Variants in PTPRJ observed in about 807,000 individuals in gnomAD.
The protein encoded by PTPRJ is protein tyrosine phosphatase receptor type J.
Under a neutral mutation model 141.3 loss-of-function variants are expected in PTPRJ, and 129 were observed. The ratio of observed to expected loss-of-function variants is 0.91; its 90% CI spans 0.79 to 1.06. The LOEUF (loss-of-function observed/expected upper bound fraction) is 1.06, where lower values mean the gene tolerates loss of function less well. Ranked by LOEUF, PTPRJ falls within the 50% of genes least tolerant of loss-of-function variation. The probability of loss-of-function intolerance (pLI) is 0.00; values close to 1 mark genes in which losing one functional copy is unlikely to be tolerated. For synonymous variants in PTPRJ, 610 were observed against 640.5 expected (o/e 0.95, Z 0.72); for missense variants, 1,601 against 1,679.7 (o/e 0.95, Z 0.82).
At chr11:48,134,582 C>G (rs983518732) in intron 8 of PTPRJ, among the ~76,000 whole-genome samples, 1 of 152,094 alleles carries the variant, frequency 6.6e-6, no homozygotes, top group Admixed American at 6.6e-5. Flanking sequence ...AAACATGGCA[C>G]AATTTTTTTT....
intron 1 of PTPRJ, among the ~76,000 whole-genome samples, chr11:47,984,285 AG>A (rs1203991046): frequency 6.6e-6 from 1 of 152,198 alleles, no homozygotes; most frequent in Non-Finnish European, 1.5e-5. Flanking sequence ...GTTGGGGCTG[AG>A]GCAGAGTGGC....
In PTPRJ at chr11:48,037,127, C is replaced by T. The variant is rs141237522; in HGVS notation, c.96+56119C>T. Among the ~76,000 whole-genome samples, 120 of 152,312 alleles carry T rather than the reference C, an allele frequency of 7.9e-4. 1 individual carries two copies. The highest frequency in any genetic ancestry group is 2.6e-3 in the African/African-American group (109 of 41,562). ...CATATTGAGTGTAACTTAATCCACC[C>T]GATTCAGAACTTTTGTAGAGTGCCT... is the stretch of plus-strand genomic sequence containing the variant. On this transcript the variant is annotated intron_variant, in intron 1 of 24. Coordinates refer to ENST00000418331, the MANE Select transcript of PTPRJ (RefSeq NM_002843.4).
At chr11:48,160,623 G>A (rs1273818090) in intron 22 of PTPRJ, among the ~76,000 whole-genome samples, 1 of 152,186 alleles carries the variant, frequency 6.6e-6, no homozygotes, top group East Asian at 1.9e-4. Context: ...GGTATCTGTT[G>A]ATGGGTGTGT....
chr11:48,118,793 C>A (rs557274409), intron 3 of PTPRJ, among the ~76,000 whole-genome samples: 63 of 152,114 alleles, frequency 4.1e-4, no homozygotes, highest in African/African-American at 1.5e-3. Flanking sequence ...CTTGCTTTTC[C>A]AAAACCTTCC....
chr11:47,986,004 A>C (rs1854042028), intron 1 of PTPRJ, among the ~76,000 whole-genome samples: 1 of 152,098 alleles, frequency 6.6e-6, no homozygotes, highest in South Asian at 2.1e-4. Flanking sequence ...CCTGGCCCAG[A>C]CATTTTTTAG....
chr11:48,146,038 G>T (rs143453250), intron 14 of PTPRJ, among the ~76,000 whole-genome samples: 1 of 152,102 alleles, frequency 6.6e-6, no homozygotes, highest in Non-Finnish European at 1.5e-5. Flanking sequence ...ATGGGGTCTT[G>T]CTATGTTGCC....
At chr11:47,981,323 G>GCGGGCA (rs1853901037) in intron 1 of PTPRJ, among the ~76,000 whole-genome samples, 1 of 152,274 alleles carries the variant, frequency 6.6e-6, no homozygotes, top group East Asian at 1.9e-4. Context: ...GGCACATCTG[G>GCGGGCA]CGGGCACGGG....
At chr11:48,074,718 G>C in intron 1 of PTPRJ, among the ~76,000 whole-genome samples, 1 of 152,146 alleles carries the variant, frequency 6.6e-6, no homozygotes, top group South Asian at 2.1e-4. Flanking sequence ...TTAATCCTTA[G>C]GCCAGGGATT....
At chr11:48,102,528 C>A (rs1856174232) in intron 1 of PTPRJ, among the ~76,000 whole-genome samples, 1 of 151,990 alleles carries the variant, frequency 6.6e-6, no homozygotes, top group African/African-American at 2.4e-5. Context: ...CCTGCGTCAG[C>A]CTCCCGAGTA....
intron 1 of PTPRJ, among the ~76,000 whole-genome samples, chr11:48,097,614 T>C (rs61915875): frequency 0.04 from 6,150 of 152,106 alleles, 146 homozygotes; most frequent in Non-Finnish European, 0.047. Flanking sequence ...CTCAGCTCAC[T>C]GCAACCTCCG....
chr11:48,080,148 C>A (rs747913841), intron 1 of PTPRJ, among the ~76,000 whole-genome samples: 1 of 152,196 alleles, frequency 6.6e-6, no homozygotes, highest in Admixed American at 6.5e-5. Context: ...TGGTCTAAGC[C>A]TCTCATTTTG....
Position 48,112,937 on chromosome 11 carries a change from A to T in PTPRJ, c.306A>T (p.Gly102=). 3 of 1,614,238 alleles carry T rather than the reference A, an allele frequency of 1.9e-6. No individual in the cohort carries two copies. Among genetic ancestry groups the T allele is most frequent in the Non-Finnish European group, 1.7e-6 (2 of 1,180,040 alleles). ...ATAGTTTAAGAACACCTGAACAAGG[A>T]TCTAATGGGACTGATGGGGCATCTC... ...ANDSLRTPEQ[G]SNGTDGASQK... The change falls in exon 3 of 25, where the codon GGA becomes GGT. Residue 102 remains glycine, a synonymous_variant. Coordinates refer to ENST00000418331, the MANE Select transcript of PTPRJ (RefSeq NM_002843.4).
intron 1 of PTPRJ, among the ~76,000 whole-genome samples, chr11:48,039,009 G>C (rs1170122682): frequency 1.3e-5 from 2 of 151,664 alleles, no homozygotes; most frequent in Admixed American, 6.6e-5. Context: ...AATTAGCTGG[G>C]TGTGGTGGCG....
chr11:48,100,417 C>G (rs1255851920), intron 1 of PTPRJ, among the ~76,000 whole-genome samples: 1 of 152,014 alleles, frequency 6.6e-6, no homozygotes, highest in Non-Finnish European at 1.5e-5. Context: ...TATTGTGTGC[C>G]CCTCGTATGC....
At position 48,132,059 on chromosome 11, in the gene PTPRJ, A is replaced by G. The variant is rs188962198; in HGVS notation, c.1615+1343A>G. The G allele has an allele frequency of 8.0e-6, 6 of 746,108 alleles. No homozygotes were observed. In the East Asian group the frequency reaches 3.9e-4, roughly 48 times the overall value. 46.2% of individuals were successfully genotyped at this position (746,108 alleles called of 1,614,324 possible). On this transcript the variant is annotated intron_variant, in intron 8 of 24. Transcript: ENST00000418331. Reference sequence around the variant, plus strand: ...CCTATGTAAATACAAATTCTCTGAGAGCCTTAATAACTTTTAAGATGGTAA... The same window carrying G: ...CCTATGTAAATACAAATTCTCTGAGGGCCTTAATAACTTTTAAGATGGTAA...
At chr11:48,164,629 T>C in intron 24 of PTPRJ, 114 bp downstream of exon 24, 6 of 1,123,656 alleles carry the variant, frequency 5.3e-6, no homozygotes, top group Admixed American at 3.2e-5. Flanking sequence ...TGCAGTGGCA[T>C]GATCTTGGCT....
At chr11:48,002,878 T>TA (rs1241378107) in intron 1 of PTPRJ, among the ~76,000 whole-genome samples, 2 of 151,982 alleles carry the variant, frequency 1.3e-5, no homozygotes, top group Non-Finnish European at 2.9e-5. Flanking sequence ...CTTGGTCATT[T>TA]AAAAAAATTT....
At position 48,137,278 on chromosome 11, in the gene PTPRJ, A is replaced by G; in HGVS notation, c.2149A>G (p.Thr717Ala). The change falls in exon 10 of 25, where the codon ACA becomes GCA. Residue 717 changes from threonine to alanine, a missense_variant. Transcript: ENST00000418331. ...SLEPGRKSFC[T>A]DPASMASFDC... ...GGAACCTGGCCGGAAGTCATTCTGT[A>G]CAGGTGAGTGTAGCCCCAACTGCCT... 1.9e-6 allele frequency: 3 copies of G among 1,613,646 alleles called. No individual in the cohort carries two copies. Among genetic ancestry groups the G allele is most frequent in the African/African-American group, 1.3e-5 (1 of 75,044 alleles).
At chr11:48,113,841 A>G (rs577062650) in intron 3 of PTPRJ, among the ~76,000 whole-genome samples, 6 of 152,228 alleles carry the variant, frequency 3.9e-5, no homozygotes, top group African/African-American at 1.4e-4. Flanking sequence ...TTTTATTTCT[A>G]ATACAGTATG....
Sources: gnomAD v4.1 joint callset for allele counts (sites outside exome capture counted in the v4.1 genomes callset) on GRCh38, gnomAD v4.1.1 for gene constraint, MANE v1.5 for transcripts, NCBI Gene and HGNC (gene_info 2026-07-23, HGNC 2026-07-21) for gene names.